Variants in CCNC observed in about 807,000 individuals in gnomAD.
CCNC encodes the protein cyclin C.
In CCNC, 19 loss-of-function variants were observed where a neutral mutation model predicts 50.0. The observed-to-expected ratio is 0.38, with a 90% confidence interval of 0.27 to 0.56. CCNC has a LOEUF of 0.56. Ranked by LOEUF, CCNC falls within the 20% of genes least tolerant of loss-of-function variation. CCNC has a pLI of 0.72. For synonymous variants in CCNC, 93 were observed against 103.7 expected, an observed-to-expected ratio of 0.90 and a Z score of 0.63; for missense variants, 200 against 327.1, an observed-to-expected ratio of 0.61 and a Z score of 3.00.
intron 5 of CCNC, among the ~76,000 whole-genome samples, chr6:99,554,550 TATC>T (rs1419955026): frequency 6.6e-6 from 1 of 152,236 alleles, no homozygotes; most frequent in Admixed American, 6.5e-5. Context: ...TTTGAGTTAT[TATC>T]CAATGCTATT....
At chr6:99,544,541 A>T (rs1801996919) in intron 11 of CCNC, among the ~76,000 whole-genome samples, 1 of 152,158 alleles carries the variant, frequency 6.6e-6, no homozygotes, top group African/African-American at 2.4e-5. Context: ...CATCTTACTT[A>T]AAACACACAC....
intron 5 of CCNC, among the ~76,000 whole-genome samples, chr6:99,556,673 C>T (rs1802523473): frequency 6.6e-6 from 1 of 152,184 alleles, no homozygotes; most frequent in Non-Finnish European, 1.5e-5. Context: ...TGCAGTGGCT[C>T]ACGCCTGTAA....
At position 99,545,142 on chromosome 6, in the gene CCNC, T is replaced by A; in HGVS notation, c.767A>T (p.Lys256Met). The A allele has an allele frequency of 6.2e-7, 1 of 1,608,174 alleles. No individual in the cohort carries two copies. Among genetic ancestry groups the A allele is most frequent in the Non-Finnish European group, 8.5e-7 (1 of 1,174,802 alleles). ...ERKEMATILS[K>M]MPKPKPPPNS... The stretch of plus-strand genomic sequence containing the variant: ...TGGAGGTGGTTTTGGTTTTGGCATC[T>A]TACTAAGAATGGTTGCCATCTCTTT... Residue 256 changes from lysine to methionine, a missense_variant, in exon 11 of 12, where the codon AAG (lysine) becomes ATG (methionine). Lys to Met is a moderately conservative substitution (Grantham distance 95, BLOSUM62 -1). Transcript: ENST00000520429.
intron 1 of CCNC, among the ~76,000 whole-genome samples, chr6:99,565,666 T>C (rs1229890036): frequency 6.6e-6 from 1 of 152,022 alleles, no homozygotes. Context: ...ATGTTTTTCA[T>C]GTTAAGGAAG....
At position 99,551,815 on chromosome 6, in the gene CCNC, G is replaced by T. The variant is rs776322557; in HGVS notation, c.402+25C>A. ...TAGTTTATATATAGCTTTGATAATT[G>T]TTCCATTTTATATCATATACTTACA... On this transcript the variant is annotated intron_variant, in intron 6 of 11. Transcript: ENST00000520429. 3.1e-6 allele frequency: 4 copies of T among 1,309,376 alleles called. No homozygotes were observed. The Admixed American group carries it at 1.2e-4, about 38-fold the overall frequency. The allele number at this position is 1,309,376 out of a possible 1,614,324, so 81.1% of individuals were successfully genotyped here. A position where few individuals can be genotyped will look rare whatever the true frequency, so the allele number is the denominator to read the frequency against.
At chr6:99,546,154 CG>C (rs1431361234) in intron 10 of CCNC, among the ~76,000 whole-genome samples, 11 of 151,972 alleles carry the variant, frequency 7.2e-5, no homozygotes, top group African/African-American at 2.4e-4. Context: ...TCAGTAGAGA[CG>C]GGGTTTCACC....
chr6:99,549,241 C>T (rs888709390), intron 9 of CCNC: 2 of 477,052 alleles, frequency 4.2e-6, no homozygotes, highest in Non-Finnish European at 7.3e-6. Context: ...TCTAAACAAA[C>T]AAATATGTTC....
intron 4 of CCNC, 44 bp downstream of exon 4, chr6:99,561,323 T>A (rs769910026): frequency 1.3e-5 from 17 of 1,285,670 alleles, no homozygotes; most frequent in Non-Finnish European, 1.8e-5. Flanking sequence ...TTAACCAACA[T>A]ACATTGACTA....
intron 4 of CCNC, 91 bp from the exon 5 acceptor site, chr6:99,558,639 A>G: frequency 8.1e-7 from 1 of 1,228,338 alleles, no homozygotes. Flanking sequence ...TCCTGTTTAC[A>G]ATCTGTTCAC....
intron 5 of CCNC, among the ~76,000 whole-genome samples, chr6:99,552,397 AT>A (rs1802336439): frequency 6.6e-6 from 1 of 152,198 alleles, no homozygotes; most frequent in South Asian, 2.1e-4. Flanking sequence ...ACTTTTTACA[AT>A]GACCAGGTAT....
At chr6:99,544,045 A>C (rs1583565373) in intron 11 of CCNC, 1 of 1,257,684 alleles carries the variant, frequency 8.0e-7, no homozygotes, top group Non-Finnish European at 1.0e-6. Flanking sequence ...ACTGTTGTCC[A>C]AAGGCATAAT....
chr6:99,550,773 GA>G (rs970438896), intron 7 of CCNC: 29 of 271,456 alleles, frequency 1.1e-4, no homozygotes, highest in African/African-American at 6.2e-4. Context: ...ACTTACTATA[GA>G]ACAGAAAAAT....
At chr6:99,547,057 A>C (rs1378065682) in intron 9 of CCNC, among the ~76,000 whole-genome samples, 2 of 139,116 alleles carry the variant, frequency 1.4e-5, no homozygotes, top group African/African-American at 5.5e-5. Context: ...AATATTAGTT[A>C]TATATGTTAT....
chr6:99,545,366 G>GT lies in CCNC; in HGVS notation c.679-137dup, dbSNP rs1802029537. On this transcript the variant is annotated intron_variant, in intron 10 of 11. Coordinates refer to ENST00000520429, the MANE Select transcript of CCNC (RefSeq NM_005190.4). ...TTAAATCCTGATAAATTTGAAAGCA[G>GT]TATTTTTCACCACAGTGCTGTTTAG... 5.2e-6 allele frequency: 3 copies of GT among 580,716 alleles called. No homozygotes were observed. The East Asian group carries it at 8.4e-5, about 16-fold the overall frequency. The allele number at this position is 580,716 out of a possible 1,614,324, so 36.0% of individuals were successfully genotyped here.
intron 9 of CCNC, among the ~76,000 whole-genome samples, chr6:99,547,176 C>A (rs1802102680): frequency 6.6e-6 from 1 of 152,110 alleles, no homozygotes; most frequent in African/African-American, 2.4e-5. Flanking sequence ...AAGTTATACT[C>A]CGTGGTCTGG....
chr6:99,544,367 C>A, intron 11 of CCNC: 1 of 1,084,974 alleles, frequency 9.2e-7, no homozygotes, highest in African/African-American at 1.6e-5. Context: ...GTAACATTAA[C>A]TTATGAGTAG....
chr6:99,561,210 A>C (rs1253679727), intron 4 of CCNC, among the ~76,000 whole-genome samples, 157 bp downstream of exon 4: 1 of 152,224 alleles, frequency 6.6e-6, no homozygotes, highest in African/African-American at 2.4e-5. Context: ...TTAAGTGAAT[A>C]TATAAGGATA....
intron 1 of CCNC, among the ~76,000 whole-genome samples, chr6:99,563,589 T>C (rs1194947568): frequency 6.6e-6 from 1 of 152,226 alleles, no homozygotes; most frequent in Non-Finnish European, 1.5e-5. Flanking sequence ...CAGCATTCTT[T>C]TATACAGCTT....
chr6:99,544,001 AAGAAGTG>A (rs1801972434), intron 11 of CCNC: 1 of 1,176,226 alleles, frequency 8.5e-7, no homozygotes, highest in East Asian at 3.3e-5. Context: ...TATGAAAAAC[AAGAAGTG>A]TTCTTCAAAA....
Sources: allele counts gnomAD v4.1 joint callset (sites outside exome capture counted in the v4.1 genomes callset), GRCh38; gene constraint gnomAD v4.1.1; transcripts MANE v1.5; gene names NCBI Gene and HGNC (gene_info 2026-07-23, HGNC 2026-07-21).